Variants in SHANK2 observed in about 807,000 individuals in gnomAD.
SHANK2 encodes SH3 and multiple ankyrin repeat domains 2, also known as SH3 and multiple ankyrin repeat domains protein 2.
Under a neutral mutation model 133.7 loss-of-function variants are expected in SHANK2, and 43 were observed. The ratio of observed to expected loss-of-function variants is 0.32; its 90% CI spans 0.25 to 0.41. The LOEUF (loss-of-function observed/expected upper bound fraction) is 0.41. Among genes scored for constraint, SHANK2 ranks in the 10% least tolerant of loss-of-function variants. The probability of loss-of-function intolerance (pLI) is 1.00; values close to 1 mark genes in which losing one functional copy is unlikely to be tolerated. For synonymous variants in SHANK2, 1,017 were observed against 952.8 expected (o/e 1.07, Z -1.24); for missense variants, 1,994 against 2,235.8 (o/e 0.89, Z 2.18).
intron 9 of SHANK2, among the ~76,000 whole-genome samples, chr11:71,074,933 C>A (rs935783421): frequency 7.9e-5 from 12 of 152,052 alleles, no homozygotes; most frequent in African/African-American, 2.9e-4. Flanking sequence ...GTGCCTGCCA[C>A]CATGCCCGGC....
rs1266709950 is a variant in SHANK2 at position 71,194,152 on chromosome 11, G to A, written c.-13+30545C>T. On this transcript the variant is annotated intron_variant, in intron 2 of 25. Coordinates refer to ENST00000601538, the MANE Select transcript of SHANK2 (RefSeq NM_012309.5). Reference sequence around the variant, plus strand: ...ATCACCACCCACTCCAGGATGGGGTGGACAGCAGGTATTCGGGTAACCCAG... The same window carrying A: ...ATCACCACCCACTCCAGGATGGGGTAGACAGCAGGTATTCGGGTAACCCAG... Among the ~76,000 whole-genome samples the A allele has an allele frequency of 7.9e-5, 12 of 152,164 alleles. 1 individual carries two copies. Among genetic ancestry groups the A allele is most frequent in the African/African-American group, 2.9e-4 (12 of 41,504 alleles).
intron 14 of SHANK2, among the ~76,000 whole-genome samples, chr11:70,710,975 C>A (rs1555025966): frequency 6.6e-6 from 1 of 152,166 alleles, no homozygotes; most frequent in African/African-American, 2.4e-5. Context: ...TCTGCAATCT[C>A]ACCCAAGACA....
rs1554990966 is a variant in SHANK2, at chr11:70,601,043, AT to A, written c.2061+58784del. Among the ~76,000 whole-genome samples the A allele has an allele frequency of 2.4e-3, 369 of 151,660 alleles. 2 individuals carry two copies. The highest frequency in any genetic ancestry group is 8.3e-3 in the African/African-American group (342 of 41,300). ...TATCTATATCTATATCTATATCTAT[AT>A]CTATATCTATATCTATATCTATATT... On this transcript the variant is annotated intron_variant, in intron 17 of 25. Transcript: ENST00000601538.
At chr11:71,194,480 C>T (rs1953858010) in intron 2 of SHANK2, among the ~76,000 whole-genome samples, 1 of 152,176 alleles carries the variant, frequency 6.6e-6, no homozygotes, top group African/African-American at 2.4e-5. Context: ...TTTGTGTCAA[C>T]TGAGAATTAA....
intron 13 of SHANK2, among the ~76,000 whole-genome samples, chr11:70,800,045 T>C (rs1210442311): frequency 6.6e-6 from 1 of 152,040 alleles, no homozygotes; most frequent in African/African-American, 2.4e-5. Flanking sequence ...GTTTTTTGTT[T>C]TTTTTAGAGG....
At chr11:70,824,348 G>A (rs564857705) in intron 11 of SHANK2, among the ~76,000 whole-genome samples, 1 of 152,250 alleles carries the variant, frequency 6.6e-6, no homozygotes, top group East Asian at 1.9e-4. Context: ...CATTGGGGAG[G>A]TCGCGGTGTC....
chr11:70,662,039 C>G, intron 15 of SHANK2: 1 of 511,648 alleles, frequency 2.0e-6, no homozygotes, highest in Non-Finnish European at 3.6e-6. Flanking sequence ...GTGGCCCGAA[C>G]GGCGGCGGCG....
chr11:70,611,691 C>T (rs1565177886), intron 17 of SHANK2, among the ~76,000 whole-genome samples: 1 of 152,120 alleles, frequency 6.6e-6, no homozygotes, highest in Non-Finnish European at 1.5e-5. Context: ...CCCACTGGCC[C>T]CAGGGCAAGA....
intron 15 of SHANK2, among the ~76,000 whole-genome samples, chr11:70,663,252 C>G (rs1944610240): frequency 6.6e-6 from 1 of 152,176 alleles, no homozygotes; most frequent in African/African-American, 2.4e-5. Flanking sequence ...GCACCAGCAC[C>G]AGGTTCACGG....
intron 2 of SHANK2, among the ~76,000 whole-genome samples, chr11:71,183,269 C>T (rs992632780): frequency 1.2e-4 from 19 of 152,116 alleles, no homozygotes; most frequent in African/African-American, 4.1e-4. Context: ...GCTGGAGTTT[C>T]GAGGCTGAGG....
chr11:70,472,778 C>G lies in SHANK2; in HGVS notation c.*91G>C. The G allele has an allele frequency of 1.6e-6, 2 of 1,282,812 alleles. No individual in the cohort carries two copies. Among genetic ancestry groups the G allele is most frequent in the Non-Finnish European group, 2.3e-6 (2 of 879,060 alleles). The allele number at this position is 1,282,812 out of a possible 1,614,324, so 79.5% of individuals were successfully genotyped here. A position where few individuals can be genotyped will look rare whatever the true frequency, so the allele number is the denominator to read the frequency against. On this transcript the variant is annotated 3_prime_UTR_variant, in exon 26 of 26. Coordinates refer to ENST00000601538, the MANE Select transcript of SHANK2 (RefSeq NM_012309.5). The surrounding 1 kb of genome is among the most constrained non-coding windows in gnomAD (Gnocchi z 4.4). ...ACAAACCCATGGAGTGGGGTTGATG[C>G]TCACAGACTTCGCTTGGCATTCAGA...
rs2058788862 is a variant in SHANK2 at position 70,485,512 on chromosome 11, G to T, written c.4781C>A (p.Ala1594Asp). 2 of 1,613,522 alleles carry T rather than the reference G, an allele frequency of 1.2e-6. No individual in the cohort carries two copies. Among genetic ancestry groups the T allele is most frequent in the Admixed American group, 3.3e-5 (2 of 60,032 alleles). ...GGAGGTCCTTGGCTGGAGAACCTTG[G>T]CCATCCCAGGCTGGGCACTGCCCGG... ...PPPGSAQPGMAKVLQPRTSKL... is the reference protein window; with the variant it reads ...PPPGSAQPGMDKVLQPRTSKL... Residue 1594 changes from alanine (A) to aspartate (D), a missense_variant, in exon 25 of 26, where the codon GCC becomes GAC. This residue lies in a region of SHANK2 where 797 missense variants were observed against 907.4 expected (regional missense o/e 0.88). Coordinates refer to ENST00000601538, the MANE Select transcript of SHANK2 (RefSeq NM_012309.5). The surrounding 1 kb of genome is among the most constrained non-coding windows in gnomAD (Gnocchi z 5.8).
At chr11:70,769,137 G>T (rs1301635091) in intron 14 of SHANK2, among the ~76,000 whole-genome samples, 1 of 152,124 alleles carries the variant, frequency 6.6e-6, no homozygotes, top group Non-Finnish European at 1.5e-5. Context: ...GGTTGGCGGG[G>T]TGAATGAATG....
chr11:70,529,438 C>G (rs191557613), intron 17 of SHANK2, among the ~76,000 whole-genome samples: 2 of 152,256 alleles, frequency 1.3e-5, no homozygotes, highest in East Asian at 1.9e-4. Context: ...CAAAACCCCC[C>G]ACAAGGTGCC....
At chr11:70,630,534 G>A (rs1417272587) in intron 17 of SHANK2, among the ~76,000 whole-genome samples, 4 of 152,196 alleles carry the variant, frequency 2.6e-5, no homozygotes, top group Non-Finnish European at 5.9e-5. Context: ...TGGAAGTAAG[G>A]TTGCTGGAGA....
At chr11:70,915,611 G>T (rs954330637) in intron 10 of SHANK2, among the ~76,000 whole-genome samples, 1 of 152,132 alleles carries the variant, frequency 6.6e-6, no homozygotes, top group Non-Finnish European at 1.5e-5. Flanking sequence ...TCAAACTCCT[G>T]AGAATACCGA....
chr11:71,085,870 T>C (rs1951393099), intron 8 of SHANK2, among the ~76,000 whole-genome samples: 1 of 144 alleles, frequency 6.9e-3, no homozygotes, highest in Non-Finnish European at 0.016. Context: ...TTTAATATAT[T>C]ATATATTTAT....
chr11:71,201,912 G>A (rs1555117196), intron 2 of SHANK2, among the ~76,000 whole-genome samples: 1 of 152,214 alleles, frequency 6.6e-6, no homozygotes, highest in Non-Finnish European at 1.5e-5. Context: ...TTCTGTCATT[G>A]CCAAATTTCA....
At chr11:70,644,019 C>T (rs574908936) in intron 17 of SHANK2, among the ~76,000 whole-genome samples, 1 of 152,194 alleles carries the variant, frequency 6.6e-6, no homozygotes, top group East Asian at 1.9e-4. Flanking sequence ...TACGTGGCGG[C>T]GAGCAGGGGT....
Sources: gnomAD v4.1 joint callset for allele counts (sites outside exome capture counted in the v4.1 genomes callset) on GRCh38, gnomAD v4.1.1 for gene constraint, gnomAD v4.1.1 regional missense constraint, Gnocchi (gnomAD v3.1) non-coding constraint, MANE v1.5 for transcripts, NCBI Gene and HGNC (gene_info 2026-07-23, HGNC 2026-07-21) for gene names.